The following SI variants were observed in gnomAD, a reference collection of about 807,000 sequenced individuals.
SI encodes the protein sucrase-isomaltase, intestinal.
Under a neutral mutation model 253.3 loss-of-function variants are expected in SI, and 235 were observed. The observed-to-expected ratio is 0.93, with a 90% CI of 0.83 to 1.03. The LOEUF is 1.03. Ranked by LOEUF, SI falls within the 50% of genes least tolerant of loss-of-function variation. SI has a pLI of 0.00. For missense variants in SI, 2,442 were observed against 2,211.1 expected, an observed-to-expected ratio of 1.10 and a Z score of -2.09; for synonymous variants, 819 against 712.0, an observed-to-expected ratio of 1.15 and a Z score of -2.39.
chr3:165,018,546 T>C (rs1463758289), intron 28 of SI, among the ~76,000 whole-genome samples: 1 of 150,586 alleles, frequency 6.6e-6, no homozygotes, highest in East Asian at 1.9e-4. Flanking sequence ...TTTATATTTA[T>C]AGAACATTTA....
At chr3:165,075,153 A>G (rs1299277708) in intron 2 of SI, among the ~76,000 whole-genome samples, 1 of 151,972 alleles carries the variant, frequency 6.6e-6, no homozygotes, top group Non-Finnish European at 1.5e-5. Context: ...AGAATGGTAG[A>G]TACCAACGCC....
At position 164,979,213 on chromosome 3, in the gene SI, A is replaced by G; in HGVS notation, c.*149T>C. ...TTACTATAATAAAATTAGCATTATC[A>G]TTGATGTACGCTACAAAATAACTTT... On this transcript the variant is annotated 3_prime_UTR_variant, in exon 48 of 48. Coordinates refer to ENST00000264382, the MANE Select transcript of SI (RefSeq NM_001041.4). 3.1e-6 allele frequency: 2 copies of G among 644,426 alleles called. No homozygotes were observed. Among genetic ancestry groups the G allele is most frequent in the Non-Finnish European group, 5.6e-6 (2 of 354,522 alleles). The allele number at this position is 644,426 out of a possible 1,614,324, so 39.9% of individuals were successfully genotyped here.
At chr3:165,039,831 G>T (rs1049789932) in intron 19 of SI, 56 bp downstream of exon 19, 39 of 1,161,786 alleles carry the variant, frequency 3.4e-5, no homozygotes, top group Non-Finnish European at 4.7e-5. Context: ...GTAATGTAGG[G>T]TCGATTTAGT....
intron 9 of SI, among the ~76,000 whole-genome samples, chr3:165,061,167 A>T (rs1401399155): frequency 1.3e-5 from 2 of 151,732 alleles, no homozygotes; most frequent in Non-Finnish European, 2.9e-5. Context: ...GTTGACATAA[A>T]TTTTTTCTCA....
intron 41 of SI, among the ~76,000 whole-genome samples, chr3:164,993,572 A>T (rs764441353): frequency 2.2e-4 from 33 of 151,510 alleles, no homozygotes; most frequent in Non-Finnish European, 8.9e-5. Flanking sequence ...TAGGGTGCTC[A>T]AAAAGCTAAA....
intron 16 of SI, among the ~76,000 whole-genome samples, chr3:165,044,100 AC>A (rs935962628): frequency 6.6e-6 from 1 of 151,990 alleles, no homozygotes; most frequent in Non-Finnish European, 1.5e-5. Context: ...ATATAAAATT[AC>A]CTTCAAACTA....
rs1227841273 is a variant in SI at position 165,046,880 on chromosome 3, T to G, written c.1848A>C (p.Ile616=). 5.0e-6 allele frequency: 8 copies of G among 1,613,352 alleles called. No homozygotes were observed. The highest frequency in any genetic ancestry group is 6.8e-6 in the Non-Finnish European group (8 of 1,179,554). Residue 616 remains isoleucine, a synonymous_variant, in exon 16 of 48, where the codon ATA becomes ATC. Transcript: ENST00000264382. ...ACAAACTGAACTCCAGCATTCCAGT[T>G]ATAGACCATTCCATTTGTTCCCATG... ...TASWEQMEWS[I]TGMLEFSLFG...
chr3:165,090,159 AAG>A, the SI span, among the ~76,000 whole-genome samples: 9,087 of 147,494 alleles, frequency 0.062, 409 homozygotes, highest in Non-Finnish European at 0.089. Context: ...TAAAAAAAAA[AAG>A]AGAGAGAGAG....
At chr3:165,056,388 C>A (rs1238094536) in intron 12 of SI, among the ~76,000 whole-genome samples, 1 of 152,052 alleles carries the variant, frequency 6.6e-6, no homozygotes, top group Non-Finnish European at 1.5e-5. Context: ...TCCCCCCCTG[C>A]AGAAGCATCA....
In SI at chr3:164,982,403, A is replaced by C. The variant is rs755728298; in HGVS notation, c.5255T>G (p.Leu1752Ter). The change falls in exon 47 of 48, where the codon TTA becomes TGA. Residue 1752 changes from leucine (L) to a stop codon, truncating the protein, a stop_gained. Coordinates refer to ENST00000264382, the MANE Select transcript of SI (RefSeq NM_001041.4). LOFTEE classifies it high-confidence loss of function. ...SVQFNLNQTT[L>*]TSTILKRGYI... Reference sequence around the variant, plus strand: ...ACCTCTCTTCAATATAGTGCTTGTTAAGGTGGTCTATAAATAAAGAAAAAG... The same window carrying C: ...ACCTCTCTTCAATATAGTGCTTGTTCAGGTGGTCTATAAATAAAGAAAAAG... 6.2e-7 allele frequency: 1 copy of C among 1,608,724 alleles called. No homozygotes were observed. Among genetic ancestry groups the C allele is most frequent in the Non-Finnish European group, 8.5e-7 (1 of 1,175,760 alleles).
At chr3:164,997,429 G>A (rs1035511229) in intron 38 of SI, among the ~76,000 whole-genome samples, 1 of 145,930 alleles carries the variant, frequency 6.9e-6, no homozygotes, top group Non-Finnish European at 1.5e-5. Context: ...TCCAAATTTG[G>A]TTCGAAATGT....
intron 28 of SI, among the ~76,000 whole-genome samples, chr3:165,018,379 A>C (rs1261065199): frequency 6.6e-6 from 1 of 150,980 alleles, no homozygotes; most frequent in Non-Finnish European, 1.5e-5. Context: ...ATTAAATGAC[A>C]TAGAATACTA....
Position 165,039,987 on chromosome 3 carries a change from A to G in SI, c.2160-16T>C, listed in dbSNP as rs1712733130. On this transcript the variant is annotated splice_polypyrimidine_tract_variant and intron_variant, in intron 18 of 47. Transcript: ENST00000264382. ...CTCATAAAACCTAAGAACAATGACA[A>G]TGTTTAAAGTATAATAATGAAAAAA... The G allele has an allele frequency of 6.3e-7, 1 of 1,585,790 alleles. No homozygotes were observed. The highest frequency in any genetic ancestry group is 8.7e-7 in the Non-Finnish European group (1 of 1,154,474).
Position 165,009,297 on chromosome 3 carries a change from C to T in SI, c.4161G>A (p.Lys1387=). ...TACTTACAATCCACAAACCATCAAA[C>T]TTCATCTTTTCATTGTAAAAGTCCA... ...EIVDFYNEKM[K]FDGLWIDMNE... Residue 1387 remains lysine (K), a synonymous_variant, in exon 35 of 48, where the codon AAG becomes AAA. Transcript: ENST00000264382. 1 of 1,608,398 alleles carries T rather than the reference C, an allele frequency of 6.2e-7. No individual in the cohort carries two copies.
At chr3:165,001,565 A>G (rs1201538036) in intron 37 of SI, among the ~76,000 whole-genome samples, 3 of 151,512 alleles carry the variant, frequency 2.0e-5, no homozygotes, top group African/African-American at 7.2e-5. Flanking sequence ...GTGAAACACT[A>G]TATCATGGAA....
chr3:165,063,339 T>C (rs1181368936), intron 8 of SI, 103 bp downstream of exon 8: 2 of 612,104 alleles, frequency 3.3e-6, no homozygotes, highest in East Asian at 2.9e-5. Flanking sequence ...TTAACTATAA[T>C]AGAGTTTACT....
At chr3:165,070,497 T>C (rs1268766038) in intron 3 of SI, among the ~76,000 whole-genome samples, 1 of 151,084 alleles carries the variant, frequency 6.6e-6, no homozygotes, top group East Asian at 1.9e-4. Flanking sequence ...CAACTTTTGA[T>C]CAGGCAATTT....
At chr3:164,994,667 C>T (rs1007990209) in intron 40 of SI, among the ~76,000 whole-genome samples, 1 of 151,612 alleles carries the variant, frequency 6.6e-6, no homozygotes, top group Non-Finnish European at 1.5e-5. Flanking sequence ...GAAAAGTTCA[C>T]ATTTTAATGG....
At chr3:165,036,217 A>C (rs1266666457) in intron 22 of SI, among the ~76,000 whole-genome samples, 172 bp downstream of exon 22, 1 of 151,942 alleles carries the variant, frequency 6.6e-6, no homozygotes, top group African/African-American at 2.4e-5. Flanking sequence ...AGATAAAGCA[A>C]ATAACAATGT....
Sources: allele counts gnomAD v4.1 joint callset (sites outside exome capture counted in the v4.1 genomes callset), GRCh38; gene constraint gnomAD v4.1.1; transcripts MANE v1.5; gene names NCBI Gene and HGNC (gene_info 2026-07-23, HGNC 2026-07-21).